CCDC102B: variants seen among roughly 807,000 people sequenced by gnomAD.
The protein encoded by CCDC102B is coiled-coil domain containing 102B.
CCDC102B carries 75 observed loss-of-function variants against 57.4 expected under a neutral mutation model. The ratio of observed to expected loss-of-function variants is 1.31; its 90% CI spans 1.08 to 1.58. The LOEUF (loss-of-function observed/expected upper bound fraction) is 1.58. Among genes scored for constraint, CCDC102B ranks in the 40% most tolerant of loss-of-function variants. The pLI is 0.00. For synonymous variants in CCDC102B, 206 were observed against 201.9 expected, an observed-to-expected ratio of 1.02 and a Z score of -0.17; for missense variants, 636 against 582.6, an observed-to-expected ratio of 1.09 and a Z score of -0.94.
Position 68,774,659 on chromosome 18 carries a change from A to G in CCDC102B, c.-66-48707A>G, listed in dbSNP as rs183921618. On this transcript the variant is annotated intron_variant, in intron 2 of 3. Transcript: ENST00000578970. ...GGATTATTGATCACTGTGTGTCTAC[A>G]TGCCACTAACTGAATACATGTTTAA... Among the ~76,000 whole-genome samples the G allele has an allele frequency of 2.9e-3, 434 of 152,188 alleles. 1 individual carries two copies. The highest frequency in any genetic ancestry group is 0.01 in the African/African-American group (416 of 41,562).
chr18:68,719,839 C>T (rs1599366405), intron 2 of CCDC102B, among the ~76,000 whole-genome samples: 2 of 152,308 alleles, frequency 1.3e-5, no homozygotes, highest in East Asian at 3.9e-4. Flanking sequence ...CTAGTATAAA[C>T]TTGGTACCCA....
rs1223267437 is a variant in CCDC102B, at chr18:69,054,965, AT to A, written c.*829del. 2.0e-6 allele frequency: 2 copies of A among 982,276 alleles called. No individual in the cohort carries two copies. Among genetic ancestry groups the A allele is most frequent in the Admixed American group, 6.2e-5 (1 of 16,222 alleles). The allele number at this position is 982,276 out of a possible 1,614,324, so 60.8% of individuals were successfully genotyped here. Reference sequence around the variant, plus strand: ...TTTCTTTAAAACTTTTATGTACATTATAGTTTATTGCTTCATATTTAAGTTT... The same window carrying A: ...TTTCTTTAAAACTTTTATGTACATTAAGTTTATTGCTTCATATTTAAGTTT... On this transcript the variant is annotated 3_prime_UTR_variant, in exon 8 of 8. Transcript: ENST00000360242.
intron 6 of CCDC102B, among the ~76,000 whole-genome samples, chr18:69,004,302 T>C (rs1288376597): frequency 6.6e-6 from 1 of 152,120 alleles, no homozygotes. Context: ...GAGGGAGAAG[T>C]AGGACTGGGA....
At chr18:68,916,236 G>A (rs1190557692) in intron 6 of CCDC102B, among the ~76,000 whole-genome samples, 1 of 152,042 alleles carries the variant, frequency 6.6e-6, no homozygotes, top group Non-Finnish European at 1.5e-5. Context: ...AGGACTAGGG[G>A]AACCAGCTCT....
At chr18:68,793,825 C>A (rs1213769293), upstream of CCDC102B, among the ~76,000 whole-genome samples, 2 of 152,020 alleles carry the variant, frequency 1.3e-5, no homozygotes, top group Non-Finnish European at 2.9e-5. Flanking sequence ...TACATAAATC[C>A]ACCAGTATAG....
chr18:69,011,362 ATGTGTG>A (rs72492630), intron 7 of CCDC102B: 52,904 of 314,994 alleles, frequency 0.17, 630 homozygotes, highest in East Asian at 0.34. Flanking sequence ...GCACGTGCGC[ATGTGTG>A]TGTGTGTGTG....
Position 69,054,105 on chromosome 18 carries a change from G to A in CCDC102B, c.1510G>A (p.Glu504Lys), listed in dbSNP as rs140831183. ...AGAGAAAGAAAGAAATGAAAACTTAGAGACTGAACTCAGGCACTTGCAAAA... is the reference window on the plus strand; with the variant it reads ...AGAGAAAGAAAGAAATGAAAACTTAAAGACTGAACTCAGGCACTTGCAAAA... ...DEEKERNENL[E>K]TELRHLQNW is the part of the protein sequence containing the mutation. The change falls in exon 8 of 8, where the codon GAG becomes AAG. Residue 504 changes from glutamate (E) to lysine (K), a missense_variant. By Grantham distance (56) the Glu-to-Lys change is moderately conservative. Transcript: ENST00000360242. The A allele has an allele frequency of 2.5e-4, 397 of 1,606,772 alleles. 2 individuals carry two copies. In the Middle Eastern group the frequency reaches 3.8e-3, roughly 15 times the overall value.
chr18:68,969,505 G>A lies in CCDC102B; in HGVS notation c.1264-41429G>A, dbSNP rs150244428. ...TTTTTTTTTTTTTCGTTCCTTGTAG[G>A]CAACCATTCATTCTGTGAGATCAAT... On this transcript the variant is annotated intron_variant, in intron 6 of 7. Coordinates refer to ENST00000360242, the MANE Select transcript of CCDC102B (RefSeq NM_024781.3). 2.6e-3 allele frequency among the ~76,000 whole-genome samples: 378 copies of A among 147,242 alleles called. 1 individual carries two copies. The highest frequency in any genetic ancestry group is 8.8e-3 in the African/African-American group (349 of 39,878).
chr18:68,959,028 G>T (rs542846008), intron 6 of CCDC102B, among the ~76,000 whole-genome samples: 24 of 152,212 alleles, frequency 1.6e-4, no homozygotes, highest in African/African-American at 5.8e-4. Flanking sequence ...TGTTTAGTGA[G>T]GTCATGTTTT....
At chr18:68,775,694 G>A (rs2034789116) in intron 2 of CCDC102B, among the ~76,000 whole-genome samples, 1 of 131,944 alleles carries the variant, frequency 7.6e-6, no homozygotes, top group Non-Finnish European at 1.5e-5. Context: ...TTGCTCTGTC[G>A]CCAGGCTGGA....
At chr18:69,026,612 A>C (rs1363263123) in intron 7 of CCDC102B, among the ~76,000 whole-genome samples, 1 of 151,996 alleles carries the variant, frequency 6.6e-6, no homozygotes, top group Non-Finnish European at 1.5e-5. Context: ...CCTTAAAATC[A>C]TCCTCCCTGA....
At chr18:68,945,348 A>C (rs17079940) in intron 6 of CCDC102B, among the ~76,000 whole-genome samples, 6,235 of 152,186 alleles carry the variant, frequency 0.041, 277 homozygotes, top group African/African-American at 0.11. Flanking sequence ...TAAATCTGTC[A>C]GTGTAACCAA....
intron 2 of CCDC102B, among the ~76,000 whole-genome samples, chr18:68,749,510 T>C (rs1021721028): frequency 6.6e-6 from 1 of 152,188 alleles, no homozygotes; most frequent in African/African-American, 2.4e-5. Flanking sequence ...TAAGTTGGAT[T>C]CTTAGGTATT....
intron 6 of CCDC102B, among the ~76,000 whole-genome samples, chr18:68,906,584 A>G (rs995174605): frequency 6.6e-6 from 1 of 152,090 alleles, no homozygotes; most frequent in Non-Finnish European, 1.5e-5. Context: ...GCATTTTCCC[A>G]ATGACTAATA....
chr18:68,986,612 A>G (rs976675174), intron 6 of CCDC102B, among the ~76,000 whole-genome samples: 3 of 152,144 alleles, frequency 2.0e-5, no homozygotes, highest in African/African-American at 7.2e-5. Flanking sequence ...AAATAGGAAA[A>G]GAAGAAATCC....
chr18:69,011,137 G>A, intron 7 of CCDC102B, 33 bp downstream of exon 7: 1 of 1,572,910 alleles, frequency 6.4e-7, no homozygotes, highest in Non-Finnish European at 8.6e-7. Flanking sequence ...GTGCTGGACA[G>A]CTTCTAAATA....
At chr18:68,805,532 A>G (rs2036002752) in intron 1 of CCDC102B, among the ~76,000 whole-genome samples, 1 of 152,156 alleles carries the variant, frequency 6.6e-6, no homozygotes, top group Admixed American at 6.5e-5. Context: ...CAGAATAGGG[A>G]GGAGAGAGTG....
At chr18:69,036,832 A>T (rs1392831914) in intron 7 of CCDC102B, among the ~76,000 whole-genome samples, 3 of 152,110 alleles carry the variant, frequency 2.0e-5, no homozygotes, top group African/African-American at 7.2e-5. Flanking sequence ...GACTAAATGC[A>T]TGAAAGACGA....
chr18:68,740,437 T>C (rs927015548), intron 2 of CCDC102B, among the ~76,000 whole-genome samples: 5 of 152,226 alleles, frequency 3.3e-5, no homozygotes, highest in Non-Finnish European at 7.3e-5. Context: ...ATAGTTTCCA[T>C]ATGAAACATT....
Sources: gnomAD v4.1 joint callset for allele counts (sites outside exome capture counted in the v4.1 genomes callset) on GRCh38, gnomAD v4.1.1 for gene constraint, MANE v1.5 for transcripts, NCBI Gene and HGNC (gene_info 2026-07-23, HGNC 2026-07-21) for gene names.